Variants in ACADL observed in about 807,000 individuals in gnomAD.
ACADL encodes long-chain specific acyl-CoA dehydrogenase, mitochondrial.
In ACADL, 60 loss-of-function variants were observed where a neutral mutation model predicts 56.9. That is an observed-to-expected ratio of 1.05 (90% confidence interval 0.86 to 1.31). The LOEUF is 1.31. Ranked by LOEUF, ACADL falls within the 50% of genes most tolerant of loss-of-function variation. The probability of loss-of-function intolerance (pLI) is 0.00; values close to 1 mark genes in which losing one functional copy is unlikely to be tolerated. For synonymous variants in ACADL, 158 were observed against 179.7 expected (o/e 0.88, Z 0.97); for missense variants, 484 against 525.5 (o/e 0.92, Z 0.77).
intron 4 of ACADL, among the ~76,000 whole-genome samples, chr2:210,211,079 A>G (rs1688971212): frequency 6.6e-6 from 1 of 152,240 alleles, no homozygotes; most frequent in Admixed American, 6.5e-5. Context: ...AGTCCAAAGG[A>G]GAAAAATAAT....
intron 10 of ACADL, among the ~76,000 whole-genome samples, 192 bp downstream of exon 10, chr2:210,192,612 A>G (rs1259943382): frequency 6.6e-6 from 1 of 152,216 alleles, no homozygotes; most frequent in African/African-American, 2.4e-5. Flanking sequence ...TTATTTAAGA[A>G]AAATAAAATC....
chr2:210,221,285 C>T (rs887979352), intron 1 of ACADL, among the ~76,000 whole-genome samples: 9 of 152,202 alleles, frequency 5.9e-5, no homozygotes, highest in South Asian at 4.1e-4. Context: ...TTGATGTAAT[C>T]GCCACATTAC....
intron 6 of ACADL, 36 bp from the exon 7 acceptor site, chr2:210,204,718 C>T (rs1363639698): frequency 3.2e-5 from 46 of 1,423,710 alleles, no homozygotes; most frequent in Non-Finnish European, 4.5e-5. Context: ...AGAATGGTCT[C>T]ATTTAAATCT....
At chr2:210,203,077 A>G (rs1298604407) in intron 8 of ACADL, among the ~76,000 whole-genome samples, 1 of 152,120 alleles carries the variant, frequency 6.6e-6, no homozygotes, top group Admixed American at 6.6e-5. Flanking sequence ...CAGTCATCTT[A>G]CAGGCTCCTC....
intron 9 of ACADL, 102 bp from the exon 10 acceptor site, chr2:210,192,992 C>G: frequency 1.2e-6 from 1 of 868,374 alleles, no homozygotes; most frequent in Non-Finnish European, 1.9e-6. Flanking sequence ...TTTAAATGTG[C>G]ACATTTATTA....
At chr2:210,212,096 G>T (rs192909948) in intron 4 of ACADL, among the ~76,000 whole-genome samples, 49 of 150,490 alleles carry the variant, frequency 3.3e-4, no homozygotes, top group Admixed American at 2.3e-3. Flanking sequence ...GCCTCCGAAA[G>T]TGTTGGGATT....
intron 8 of ACADL, among the ~76,000 whole-genome samples, chr2:210,196,669 T>C (rs1688715266): frequency 1.3e-5 from 2 of 152,182 alleles, no homozygotes; most frequent in African/African-American, 4.8e-5. Context: ...AAAAGTATAC[T>C]CCATTCTAGT....
In ACADL at chr2:210,210,282, T is replaced by C. The variant is rs1300064054; in HGVS notation, c.537-20A>G. The C allele has an allele frequency of 1.3e-6, 2 of 1,551,072 alleles. No homozygotes were observed. Among genetic ancestry groups the C allele is most frequent in the Non-Finnish European group, 1.8e-6 (2 of 1,124,552 alleles). ...AAGTCACTGTAATTGAAAGAAAAGA[T>C]AAAAAATTCATCAAATGATAAAAAT... On this transcript the variant is annotated intron_variant, in intron 4 of 10. Transcript: ENST00000233710.
At chr2:210,193,640 C>T (rs992501014) in intron 9 of ACADL, among the ~76,000 whole-genome samples, 6 of 152,014 alleles carry the variant, frequency 3.9e-5, no homozygotes, top group Non-Finnish European at 7.4e-5. Flanking sequence ...TTCTTTTCTA[C>T]TTATTTTTCT....
At chr2:210,216,797 G>A in intron 3 of ACADL, 1 of 335,996 alleles carries the variant, frequency 3.0e-6, no homozygotes, top group Non-Finnish European at 5.6e-6. Context: ...TAACACAGTG[G>A]AATAATAACT....
At position 210,201,721 on chromosome 2, in the gene ACADL, T is replaced by G. The variant is rs150186499; in HGVS notation, c.984+1610A>C. Reference sequence around the variant, plus strand: ...CTCCAGGTTTTTTGCTGGTGAGATGTTTTGCCAATTTGATGACCACATGAA... The same window carrying G: ...CTCCAGGTTTTTTGCTGGTGAGATGGTTTGCCAATTTGATGACCACATGAA... On this transcript the variant is annotated intron_variant, in intron 8 of 10. Transcript: ENST00000233710. Among the ~76,000 whole-genome samples the G allele has an allele frequency of 5.7e-3, 872 of 152,274 alleles. 3 individuals carry two copies. The highest frequency in any genetic ancestry group is 0.014 in the Middle Eastern group (4 of 294).
intron 6 of ACADL, 25 bp downstream of exon 6, chr2:210,205,607 G>T: frequency 6.2e-7 from 1 of 1,609,806 alleles, no homozygotes; most frequent in Non-Finnish European, 8.5e-7. Flanking sequence ...ATTAGTATCT[G>T]AATATGATTT....
intron 8 of ACADL, among the ~76,000 whole-genome samples, chr2:210,202,567 A>G (rs949626867): frequency 6.6e-6 from 1 of 151,970 alleles, no homozygotes; most frequent in Non-Finnish European, 1.5e-5. Context: ...AGCATCCACA[A>G]ACTCACCCTT....
At chr2:210,217,820 G>T (rs1325631342) in intron 3 of ACADL, 145 bp downstream of exon 3, 7 of 1,070,328 alleles carry the variant, frequency 6.5e-6, no homozygotes, top group Admixed American at 2.0e-5. Flanking sequence ...TGCATGAGCG[G>T]TATAATCTTT....
intron 1 of ACADL, 51 bp downstream of exon 1, chr2:210,225,136 C>A: frequency 6.5e-7 from 1 of 1,527,628 alleles, no homozygotes; most frequent in Non-Finnish European, 8.7e-7. Context: ...CTCGCTGCCC[C>A]ACCCCACAGC....
chr2:210,193,285 A>G (rs1688665064), intron 9 of ACADL, among the ~76,000 whole-genome samples: 1 of 152,080 alleles, frequency 6.6e-6, no homozygotes, highest in Non-Finnish European at 1.5e-5. Flanking sequence ...TGTAATATGC[A>G]TTTTTTCTCC....
Position 210,188,952 on chromosome 2 carries a change from G to A in ACADL, c.*9C>T. 1 of 1,596,416 alleles carries A rather than the reference G, an allele frequency of 6.3e-7. No homozygotes were observed. The highest frequency in any genetic ancestry group is 1.3e-5 in the African/African-American group (1 of 74,630). Reference sequence around the variant, plus strand: ...AGCTGTAATAGGACTCCAGGATGTGGGCAGATGTCTACTTGTCAAAGACAA... The same window carrying A: ...AGCTGTAATAGGACTCCAGGATGTGAGCAGATGTCTACTTGTCAAAGACAA... On this transcript the variant is annotated 3_prime_UTR_variant, in exon 11 of 11. Transcript: ENST00000233710.
rs1688830186 is a variant in ACADL, at chr2:210,203,402, A to G, written c.913T>C (p.Phe305Leu). 6.2e-7 allele frequency: 1 copy of G among 1,609,540 alleles called. No homozygotes were observed. Among genetic ancestry groups the G allele is most frequent in the Non-Finnish European group, 8.5e-7 (1 of 1,176,576 alleles). Residue 305 changes from phenylalanine to leucine, a missense_variant, in exon 8 of 11, where the codon TTC (phenylalanine) becomes CTC (leucine). Physicochemically the swap from Phe to Leu is conservative, Grantham distance 22. Transcript: ENST00000233710. ...IADVAISASE[F>L]MFEETRNYVK... ...TAGTTCCTGGTTTCTTCAAACATGAATTCACTAGCTGAAATTGCCACATCA... is the reference window on the plus strand; with the variant it reads ...TAGTTCCTGGTTTCTTCAAACATGAGTTCACTAGCTGAAATTGCCACATCA...
chr2:210,216,353 G>C lies in ACADL; in HGVS notation c.530C>G (p.Ala177Gly). 1.9e-6 allele frequency: 3 copies of C among 1,613,590 alleles called. No individual in the cohort carries two copies. In the South Asian group the frequency reaches 3.3e-5, roughly 18 times the overall value. ...IGAIAMTEPG[A>G]GSDLQGIKTN... ...CAACTAAATATTAACTTACCTTCCA[G>C]CTCCAGGCTCTGTCATTGCTATTGC... Residue 177 changes from alanine (A) to glycine (G), a missense_variant, in exon 4 of 11, where the codon GCT becomes GGT. Coordinates refer to ENST00000233710, the MANE Select transcript of ACADL (RefSeq NM_001608.4).
Sources: allele counts gnomAD v4.1 joint callset (sites outside exome capture counted in the v4.1 genomes callset), GRCh38; gene constraint gnomAD v4.1.1; transcripts MANE v1.5; gene names NCBI Gene and HGNC (gene_info 2026-07-23, HGNC 2026-07-21).